Variants in FBN1 observed in about 807,000 individuals in gnomAD.
The protein encoded by FBN1 is fibrillin 1.
In FBN1, 29 loss-of-function variants were observed where a neutral mutation model predicts 365.1. The ratio of observed to expected loss-of-function variants is 0.08; its 90% CI spans 0.06 to 0.11. FBN1 has a LOEUF of 0.11. Ranked by LOEUF, FBN1 falls within the 10% of genes least tolerant of loss-of-function variation. The pLI, the probability that FBN1 is intolerant of heterozygous loss-of-function variation, is 1.00. For synonymous variants in FBN1, 1,210 were observed against 1,270.5 expected, an observed-to-expected ratio of 0.95 and a Z score of 1.01; for missense variants, 2,476 against 3,703.2, an observed-to-expected ratio of 0.67 and a Z score of 8.60.
At chr15:48,476,126 T>C (rs2043416361) in intron 32 of FBN1, among the ~76,000 whole-genome samples, 1 of 152,198 alleles carries the variant, frequency 6.6e-6, no homozygotes, top group South Asian at 2.1e-4. Flanking sequence ...AATTCAGGGA[T>C]AACAGTGCTA....
chr15:48,464,283 G>A (rs1443553259), intron 40 of FBN1, among the ~76,000 whole-genome samples: 2 of 152,170 alleles, frequency 1.3e-5, no homozygotes, highest in Non-Finnish European at 2.9e-5. Flanking sequence ...GGCCAAGGTG[G>A]GTGGATCACT....
At position 48,468,223 on chromosome 15, in the gene FBN1, G is replaced by T. The variant is rs959373381; in HGVS notation, c.4583-121C>A. 7.1e-6 allele frequency: 10 copies of T among 1,398,962 alleles called. No individual in the cohort carries two copies. The African/African-American group carries it at 1.4e-4, about 20-fold the overall frequency. The allele number at this position is 1,398,962 out of a possible 1,614,324, so 86.7% of individuals were successfully genotyped here. A position where few individuals can be genotyped will look rare whatever the true frequency, so the allele number is the denominator to read the frequency against. On this transcript the variant is annotated intron_variant, in intron 37 of 65. Coordinates refer to ENST00000316623, the MANE Select transcript of FBN1 (RefSeq NM_000138.5). ...TTTACTTTTACTGAGAAACTAAAAA[G>T]TGCCCATGAACATTATACACTACCG...
intron 35 of FBN1, 93 bp downstream of exon 35, chr15:48,472,458 T>TAAA (rs67860867): frequency 2.1e-5 from 25 of 1,181,876 alleles, no homozygotes; most frequent in African/African-American, 3.8e-5. Context: ...CACCTCAGTT[T>TAAA]AAAAAAAAAA....
chr15:48,429,925 A>C (rs2043012007), intron 56 of FBN1, among the ~76,000 whole-genome samples: 1 of 152,236 alleles, frequency 6.6e-6, no homozygotes, highest in Non-Finnish European at 1.5e-5. Flanking sequence ...TTATTATCTA[A>C]GCAGAGGTCA....
chr15:48,479,801 G>A (rs902672338), intron 32 of FBN1, among the ~76,000 whole-genome samples: 4 of 152,124 alleles, frequency 2.6e-5, no homozygotes, highest in African/African-American at 9.6e-5. Context: ...TAAAGAGTAA[G>A]ATTTTCCTTC....
chr15:48,546,843 G>A (rs2044097152), intron 6 of FBN1, among the ~76,000 whole-genome samples: 1 of 152,158 alleles, frequency 6.6e-6, no homozygotes, highest in African/African-American at 2.4e-5. Context: ...AGCACGTGTG[G>A]ATGGATCAGA....
At chr15:48,432,331 T>C (rs1402139535) in intron 55 of FBN1, among the ~76,000 whole-genome samples, 1 of 151,958 alleles carries the variant, frequency 6.6e-6, no homozygotes, top group Admixed American at 6.5e-5. Flanking sequence ...ACTCTATGAT[T>C]ACTGCAGTTT....
chr15:48,420,141 TGAGA>T (rs57121572), intron 63 of FBN1, among the ~76,000 whole-genome samples: 4,402 of 152,298 alleles, frequency 0.029, 95 homozygotes, highest in East Asian at 0.082. Flanking sequence ...TTCAATTTAA[TGAGA>T]GAGTCAGTAG....
chr15:48,582,404 A>G (rs1316394360), intron 6 of FBN1, among the ~76,000 whole-genome samples: 1 of 152,192 alleles, frequency 6.6e-6, no homozygotes, highest in African/African-American at 2.4e-5. Context: ...GGCCTCCAAC[A>G]ATATTTGCTG....
intron 55 of FBN1, 146 bp from the exon 56 acceptor site, chr15:48,430,948 G>A: frequency 1.3e-6 from 1 of 791,460 alleles, no homozygotes. Context: ...GCTCTGTTGA[G>A]TATGATCTCT....
chr15:48,422,149 C>T (rs780895616), intron 60 of FBN1, 81 bp from the exon 61 acceptor site: 10 of 958,700 alleles, frequency 1.0e-5, no homozygotes, highest in Non-Finnish European at 1.4e-5. Context: ...AGCAGCTCCA[C>T]GTTTGATTTG....
rs368978109 is a variant in FBN1, at chr15:48,427,672, C to T, written c.7099G>A (p.Gly2367Arg). 2.0e-5 allele frequency: 32 copies of T among 1,614,008 alleles called. No homozygotes were observed. Among genetic ancestry groups the T allele is most frequent in the Middle Eastern group, 1.6e-4 (1 of 6,084 alleles). Reference sequence around the variant, plus strand: ...CAGTGGGGACCCCAGCCTCTCCCTCCGTCACAGCAGCATTCCGATTTGGTG... The same window carrying T: ...CAGTGGGGACCCCAGCCTCTCCCTCTGTCACAGCAGCATTCCGATTTGGTG... ...PVTKSECCCDGGRGWGPHCEI... is the reference protein window; with the variant it reads ...PVTKSECCCDRGRGWGPHCEI... Residue 2367 changes from glycine (G) to arginine (R), a missense_variant, in exon 58 of 66, where the codon GGA becomes AGA. By Grantham distance (125) the Gly-to-Arg change is moderately radical (BLOSUM62 -2). Coordinates refer to ENST00000316623, the MANE Select transcript of FBN1 (RefSeq NM_000138.5).
At chr15:48,469,187 G>C (rs2043350217) in intron 36 of FBN1, among the ~76,000 whole-genome samples, 1 of 119,660 alleles carries the variant, frequency 8.4e-6, no homozygotes, top group Non-Finnish European at 1.7e-5. Flanking sequence ...TCCAGTCAAG[G>C]TAACTGAAGG....
intron 2 of FBN1, chr15:48,641,333 G>A (rs374230573): frequency 9.9e-5 from 15 of 152,186 alleles, no homozygotes; most frequent in African/African-American, 2.6e-4. Flanking sequence ...CAACAGGGGG[G>A]GAGGAGAGGA....
chr15:48,416,090 C>G (rs1384929926), intron 63 of FBN1, among the ~76,000 whole-genome samples: 1 of 152,192 alleles, frequency 6.6e-6, no homozygotes, highest in East Asian at 1.9e-4. Flanking sequence ...GTATCTTCTG[C>G]TCCATGTAAA....
At chr15:48,644,545 C>T in intron 2 of FBN1, 61 bp downstream of exon 2, 1 of 1,609,874 alleles carries the variant, frequency 6.2e-7, no homozygotes, top group Non-Finnish European at 8.5e-7. Context: ...TCATCCTGCC[C>T]GTTGTTCTGG....
intron 9 of FBN1, among the ~76,000 whole-genome samples, chr15:48,524,427 T>C (rs2043890418): frequency 6.6e-6 from 1 of 152,208 alleles, no homozygotes. Context: ...GTTTATACTG[T>C]CAGGGGCTAT....
At chr15:48,592,097 G>A (rs1253478091) in intron 6 of FBN1, among the ~76,000 whole-genome samples, 2 of 152,138 alleles carry the variant, frequency 1.3e-5, no homozygotes, top group Admixed American at 6.5e-5. Flanking sequence ...CTGTTCTTAC[G>A]TCCAATGGCC....
chr15:48,471,968 A>T (rs923482342), intron 35 of FBN1, among the ~76,000 whole-genome samples: 6 of 152,244 alleles, frequency 3.9e-5, no homozygotes, highest in African/African-American at 1.4e-4. Flanking sequence ...ATACCATGCC[A>T]TATGGCAGTA....
Sources: gnomAD v4.1 joint callset for allele counts (sites outside exome capture counted in the v4.1 genomes callset) on GRCh38, gnomAD v4.1.1 for gene constraint, MANE v1.5 for transcripts, NCBI Gene and HGNC (gene_info 2026-07-23, HGNC 2026-07-21) for gene names.